The following CACNA1C variants were observed in gnomAD, a reference collection of about 807,000 sequenced individuals.
The protein encoded by CACNA1C is calcium voltage-gated channel subunit alpha1 C.
A neutral mutation model predicts 229.0 loss-of-function variants in CACNA1C; 30 were observed. The ratio of observed to expected loss-of-function variants is 0.13; its 90% CI spans 0.10 to 0.18. CACNA1C has a LOEUF of 0.18. Ranked by LOEUF, CACNA1C falls within the 10% of genes least tolerant of loss-of-function variation. The pLI is 1.00. For synonymous variants in CACNA1C, 1,114 were observed against 1,132.5 expected (o/e 0.98, Z 0.33); for missense variants, 1,658 against 2,845.0 (o/e 0.58, Z 9.49).
intron 3 of CACNA1C, among the ~76,000 whole-genome samples, chr12:2,307,782 C>A (rs928433479): frequency 6.6e-6 from 1 of 152,172 alleles, no homozygotes; most frequent in African/African-American, 2.4e-5. Context: ...ATTGCTTAAG[C>A]CCACTTACAT....
chr12:2,612,243 C>T, intron 29 of CACNA1C: 1 of 507,012 alleles, frequency 2.0e-6, no homozygotes, highest in Non-Finnish European at 3.5e-6. Context: ...CTGGCATGCA[C>T]AAGCTGCAGA....
At chr12:2,463,070 G>A (rs1012183281) in intron 5 of CACNA1C, among the ~76,000 whole-genome samples, 66 of 134,062 alleles carry the variant, frequency 4.9e-4, no homozygotes, top group East Asian at 2.2e-4. Context: ...CCGCCACCAC[G>A]CCCGGCTAAT....
rs2153893743 is a variant in CACNA1C at position 2,691,532 on chromosome 12, A to G, written c.*333A>G. Reference sequence around the variant, plus strand: ...CGCGCGCCCTCACCAAAAGGACCCTACAGCAAACGGGTGTCTTTCGACTCT... The same window carrying G: ...CGCGCGCCCTCACCAAAAGGACCCTGCAGCAAACGGGTGTCTTTCGACTCT... On this transcript the variant is annotated 3_prime_UTR_variant, in exon 47 of 47. Transcript: ENST00000399655. 1 of 272,248 alleles carries G rather than the reference A, an allele frequency of 3.7e-6. No homozygotes were observed. The highest frequency in any genetic ancestry group is 6.8e-6 in the Non-Finnish European group (1 of 146,122). The allele number at this position is 272,248 out of a possible 1,614,324, so 16.9% of individuals were successfully genotyped here. A position where few individuals can be genotyped will look rare whatever the true frequency, so the allele number is the denominator to read the frequency against.
At chr12:2,309,758 A>G (rs1313697276) in intron 3 of CACNA1C, among the ~76,000 whole-genome samples, 1 of 152,270 alleles carries the variant, frequency 6.6e-6, no homozygotes, top group Non-Finnish European at 1.5e-5. Flanking sequence ...ACTGTACTGC[A>G]TATGCCTGCA....
intron 30 of CACNA1C, among the ~76,000 whole-genome samples, chr12:2,637,942 C>T (rs541907542): frequency 3.9e-5 from 6 of 152,322 alleles, no homozygotes; most frequent in Non-Finnish European, 7.3e-5. Flanking sequence ...CATTTAAACT[C>T]GTCTCACCTT....
chr12:2,357,931 A>G (rs919822304), intron 3 of CACNA1C, among the ~76,000 whole-genome samples: 1 of 147,230 alleles, frequency 6.8e-6, no homozygotes, highest in Non-Finnish European at 1.5e-5. Context: ...AGATCATGCC[A>G]TTGCTCTCCA....
rs925710486 is a variant in CACNA1C at position 2,067,052 on chromosome 12, G to A, written c.49+13441G>A. Among the ~76,000 whole-genome samples the A allele has an allele frequency of 6.6e-6, 1 of 152,172 alleles. No homozygotes were observed. Among genetic ancestry groups the A allele is most frequent in the Non-Finnish European group, 1.5e-5 (1 of 68,006 alleles). On this transcript the variant is annotated intron_variant, in intron 1 of 46. Coordinates refer to ENST00000399655, the MANE Select transcript of CACNA1C (RefSeq NM_000719.7). This position sits in a 1 kb window ranked among gnomAD's most constrained non-coding sequence, Gnocchi z 5.3. The stretch of plus-strand genomic sequence containing the variant: ...CGAGGTCTGGAAGCATGAGTTAGGG[G>A]CCAGGAGTGATTGGCATTCCTAGAG...
chr12:2,246,570 C>T (rs1008356857), intron 3 of CACNA1C, among the ~76,000 whole-genome samples: 2 of 152,102 alleles, frequency 1.3e-5, no homozygotes, highest in South Asian at 2.1e-4. Context: ...CAATTCATAC[C>T]GTTGTTGTCC....
At chr12:2,472,353 A>C (rs1461968462) in intron 5 of CACNA1C, among the ~76,000 whole-genome samples, 3 of 152,006 alleles carry the variant, frequency 2.0e-5, no homozygotes, top group African/African-American at 7.2e-5. Context: ...TCTGTTGATT[A>C]TTCTTTCAGT....
intron 1 of CACNA1C, among the ~76,000 whole-genome samples, chr12:2,076,189 A>G (rs1595161936): frequency 6.6e-6 from 1 of 152,096 alleles, no homozygotes; most frequent in Non-Finnish European, 1.5e-5. Context: ...TTCGATTCCC[A>G]TCTTTCTCCA....
At chr12:2,036,640 C>G (rs1261733625) in intron 1 of CACNA1C, among the ~76,000 whole-genome samples, 1 of 152,108 alleles carries the variant, frequency 6.6e-6, no homozygotes, top group African/African-American at 2.4e-5. Flanking sequence ...TAATTTTTGT[C>G]TTTTTAGTAG....
rs1020117590 is a variant in CACNA1C at position 2,403,850 on chromosome 12, C to A, written c.478-45126C>A. Among the ~76,000 whole-genome samples, 2 of 152,142 alleles carry A rather than the reference C, an allele frequency of 1.3e-5. No homozygotes were observed. Among genetic ancestry groups the A allele is most frequent in the African/African-American group, 4.8e-5 (2 of 41,424 alleles). ...TTGACAGACTGCTGGTGTCCGTGGA[C>A]CACAGCTCTGCTCTGGGGCCCCAGG... On this transcript the variant is annotated intron_variant, in intron 3 of 46. Transcript: ENST00000399655. The surrounding 1 kb of genome is among the most constrained non-coding windows in gnomAD (Gnocchi z 4.1).
chr12:2,474,817 T>G (rs910158053), intron 5 of CACNA1C, among the ~76,000 whole-genome samples: 4 of 151,950 alleles, frequency 2.6e-5, no homozygotes, highest in Admixed American at 6.5e-5. Flanking sequence ...ACTTTTTCTT[T>G]CAGAATTGGC....
chr12:2,501,149 C>T (rs1028541484), intron 7 of CACNA1C, among the ~76,000 whole-genome samples: 2 of 133,238 alleles, frequency 1.5e-5, no homozygotes, highest in Non-Finnish European at 3.1e-5. Context: ...GTGGAGCTTG[C>T]TGTGAGCCAA....
At chr12:2,521,018 G>A (rs1193977463) in intron 9 of CACNA1C, among the ~76,000 whole-genome samples, 1 of 152,242 alleles carries the variant, frequency 6.6e-6, no homozygotes, top group African/African-American at 2.4e-5. Context: ...CTCCCCTTGG[G>A]GAGACGCCTA....
rs958740816 is a variant in CACNA1C, at chr12:2,157,160, C to T, written c.477+36730C>T. 5.3e-5 allele frequency among the ~76,000 whole-genome samples: 8 copies of T among 152,280 alleles called. No homozygotes were observed. In the South Asian group the frequency reaches 1.7e-3, roughly 32 times the overall value. ...CTAAGAGTAGATGGCACAGTGTTCT[C>T]ACCACAAAAATAATAACTATGTGAG... On this transcript the variant is annotated intron_variant, in intron 3 of 46. Transcript: ENST00000399655.
At chr12:2,456,548 G>C (rs997209139) in intron 4 of CACNA1C, among the ~76,000 whole-genome samples, 1 of 152,146 alleles carries the variant, frequency 6.6e-6, no homozygotes, top group African/African-American at 2.4e-5. Flanking sequence ...GGTCGCTGCT[G>C]TTCCTCTAAC....
At chr12:2,415,108 A>G (rs748077944) in intron 3 of CACNA1C, among the ~76,000 whole-genome samples, 3 of 152,154 alleles carry the variant, frequency 2.0e-5, no homozygotes, top group Non-Finnish European at 4.4e-5. Context: ...ACCTGAACCC[A>G]GGTTCTGTCA....
chr12:2,505,637 C>T (rs1263519577), intron 8 of CACNA1C, among the ~76,000 whole-genome samples: 3 of 152,118 alleles, frequency 2.0e-5, no homozygotes, highest in African/African-American at 7.2e-5. Flanking sequence ...TGCACTGCAG[C>T]CTGGGCAACA....
Sources: gnomAD v4.1 joint callset for allele counts (sites outside exome capture counted in the v4.1 genomes callset) on GRCh38, gnomAD v4.1.1 for gene constraint, Gnocchi (gnomAD v3.1) non-coding constraint, MANE v1.5 for transcripts, NCBI Gene and HGNC (gene_info 2026-07-23, HGNC 2026-07-21) for gene names.